Variants in ALG9 observed in about 807,000 individuals in gnomAD.
ALG9 encodes alpha-1,2-mannosyltransferase ALG9.
A neutral mutation model predicts 81.8 loss-of-function variants in ALG9; 55 were observed. The observed-to-expected ratio is 0.67, with a 90% CI of 0.54 to 0.84. The LOEUF (loss-of-function observed/expected upper bound fraction) is 0.84, where lower values mean the gene tolerates loss of function less well. ALG9 is among the 40% of genes least tolerant of loss of function. ALG9 has a pLI of 0.00. For synonymous variants in ALG9, 278 were observed against 274.3 expected, an observed-to-expected ratio of 1.01 and a Z score of -0.13; for missense variants, 629 against 745.0, an observed-to-expected ratio of 0.84 and a Z score of 1.81.
chr11:111,853,609 T>G (rs564068791), intron 7 of ALG9, 40 bp downstream of exon 7: 3 of 1,598,800 alleles, frequency 1.9e-6, no homozygotes, highest in Non-Finnish European at 2.6e-6. Context: ...GTTGCTTTCA[T>G]TACAACTTTA....
intron 14 of ALG9, 54 bp downstream of exon 14, chr11:111,809,579 ATCCTAGAATC>A (rs1950408805): frequency 6.3e-7 from 1 of 1,598,266 alleles, no homozygotes; most frequent in African/African-American, 1.3e-5. Context: ...AAGTTATATA[ATCCTAGAATC>A]CAATTTTTAC....
intron 13 of ALG9, among the ~76,000 whole-genome samples, chr11:111,813,166 T>C (rs538146361): frequency 2.0e-5 from 3 of 152,154 alleles, no homozygotes; most frequent in Non-Finnish European, 4.4e-5. Flanking sequence ...GGCCTAAAAA[T>C]GAAAAGATAA....
At chr11:111,850,404 C>T (rs1957578501) in intron 8 of ALG9, among the ~76,000 whole-genome samples, 1 of 152,038 alleles carries the variant, frequency 6.6e-6, no homozygotes, top group African/African-American at 2.4e-5. Flanking sequence ...GGAGTTAACA[C>T]TCTCAAAGAA....
intron 4 of ALG9, among the ~76,000 whole-genome samples, chr11:111,863,733 G>C (rs1961213536): frequency 6.6e-6 from 1 of 152,132 alleles, no homozygotes; most frequent in Non-Finnish European, 1.5e-5. Flanking sequence ...TCAACTAATA[G>C]GTACTTTGTG....
chr11:111,779,819 T>C (rs1420361435), downstream of ALG9, among the ~76,000 whole-genome samples: 6 of 152,230 alleles, frequency 3.9e-5, no homozygotes, highest in South Asian at 2.1e-4. Context: ...TTAAACCCAA[T>C]TGTTAATTTT....
intron 13 of ALG9, among the ~76,000 whole-genome samples, chr11:111,824,928 A>G (rs559545025): frequency 7.9e-5 from 12 of 152,256 alleles, no homozygotes; most frequent in Non-Finnish European, 1.6e-4. Flanking sequence ...TGTGTGAAAT[A>G]GACCTATCAT....
chr11:111,870,422 T>TGCTAATCA, intron 1 of ALG9, 52 bp from the exon 2 acceptor site: 1 of 1,481,840 alleles, frequency 6.7e-7, no homozygotes, highest in African/African-American at 1.5e-5. Context: ...AGGAAGGACC[T>TGCTAATCA]GCTAATCAGA....
At chr11:111,840,961 A>T (rs1956127297) in intron 9 of ALG9, 152 bp from the exon 10 acceptor site, 1 of 903,764 alleles carries the variant, frequency 1.1e-6, no homozygotes, top group Non-Finnish European at 1.7e-6. Context: ...CTCCAATGCC[A>T]TAAAGGCATC....
intron 5 of ALG9, 58 bp downstream of exon 5, chr11:111,860,489 C>G: frequency 1.4e-6 from 2 of 1,399,680 alleles, no homozygotes; most frequent in South Asian, 2.3e-5. Context: ...ATTCCCTCAT[C>G]TGCCCTTTTA....
At chr11:111,870,905 T>A in intron 1 of ALG9, 1 of 998,504 alleles carries the variant, frequency 1.0e-6, no homozygotes, top group Non-Finnish European at 1.2e-6. Flanking sequence ...CTACTCCAAT[T>A]CCATATGTTG....
intron 14 of ALG9, among the ~76,000 whole-genome samples, chr11:111,789,819 C>CAAA (rs573026506): frequency 8.8e-6 from 1 of 113,136 alleles, no homozygotes; most frequent in Non-Finnish European, 1.9e-5. Context: ...GACTCTGTCT[C>CAAA]AAAAAAAAAA....
intron 14 of ALG9, 159 bp downstream of exon 14, chr11:111,809,484 C>T (rs1365558466): frequency 3.7e-6 from 3 of 821,010 alleles, no homozygotes; most frequent in Admixed American, 4.5e-5. Flanking sequence ...GAGTTGAGAT[C>T]ACACCAGCCT....
chr11:111,870,101 T>C, intron 2 of ALG9, 131 bp downstream of exon 2: 1 of 1,137,838 alleles, frequency 8.8e-7, no homozygotes, highest in Non-Finnish European at 1.2e-6. Context: ...CCTGTTTTTT[T>C]GTTTTTTTTT....
At chr11:111,788,104 TC>T (rs1419047622) in intron 14 of ALG9, among the ~76,000 whole-genome samples, 6 of 152,210 alleles carry the variant, frequency 3.9e-5, no homozygotes, top group Non-Finnish European at 7.3e-5. Context: ...GTTACTGCCA[TC>T]CTGAATGAGG....
At position 111,785,708 on chromosome 11, in the gene ALG9, T is replaced by C; in HGVS notation, c.*689A>G. On this transcript the variant is annotated 3_prime_UTR_variant, in exon 15 of 15. Transcript: ENST00000616540. ...TGAACAAAAAAGCAATACAACCTTA[T>C]AGTTACAGTTGGTTGTAAAGGAAAT... is the stretch of plus-strand genomic sequence containing the variant. 4.4e-6 allele frequency: 1 copy of C among 227,760 alleles called. No homozygotes were observed. The highest frequency in any genetic ancestry group is 8.8e-6 in the Non-Finnish European group (1 of 113,094). 14.1% of individuals were successfully genotyped at this position (227,760 alleles called of 1,614,324 possible).
At chr11:111,824,603 C>G (rs1952927022) in intron 13 of ALG9, among the ~76,000 whole-genome samples, 9 of 152,170 alleles carry the variant, frequency 5.9e-5, no homozygotes, top group Admixed American at 5.9e-4. Context: ...TTTCAATTAT[C>G]CAGAGTTGGC....
intron 5 of ALG9, among the ~76,000 whole-genome samples, chr11:111,858,906 C>G (rs1959137656): frequency 6.6e-6 from 1 of 152,074 alleles, no homozygotes; most frequent in Admixed American, 6.5e-5. Flanking sequence ...ATATAAAGAT[C>G]AATTGTAGGA....
intron 9 of ALG9, among the ~76,000 whole-genome samples, chr11:111,842,616 G>A (rs1487639417): frequency 6.6e-6 from 1 of 151,640 alleles, no homozygotes; most frequent in African/African-American, 2.4e-5. Context: ...TAGTGACAGG[G>A]TCTTGCTATC....
chr11:111,829,935 T>C (rs1169519446), intron 13 of ALG9, among the ~76,000 whole-genome samples: 1 of 152,190 alleles, frequency 6.6e-6, no homozygotes, highest in African/African-American at 2.4e-5. Flanking sequence ...TGTCTCAAGA[T>C]AAACTGTGCT....
Sources: allele counts gnomAD v4.1 joint callset (sites outside exome capture counted in the v4.1 genomes callset), GRCh38; gene constraint gnomAD v4.1.1; transcripts MANE v1.5; gene names NCBI Gene and HGNC (gene_info 2026-07-23, HGNC 2026-07-21).